Variants in CDH18 observed in about 807,000 individuals in gnomAD.
CDH18 encodes cadherin 18, also known as cadherin-18.
In CDH18, 31 loss-of-function variants were observed where a neutral mutation model predicts 67.9. The observed-to-expected ratio is 0.46, with a 90% CI of 0.34 to 0.62. The LOEUF (loss-of-function observed/expected upper bound fraction) is 0.62, where lower values mean the gene tolerates loss of function less well. Among genes scored for constraint, CDH18 ranks in the 20% least tolerant of loss-of-function variants. CDH18 has a pLI of 0.01. For missense variants in CDH18, 890 were observed against 975.5 expected (o/e 0.91, Z 1.17); for synonymous variants, 362 against 347.2 (o/e 1.04, Z -0.48).
chr5:19,756,679 A>G (rs1771649815), intron 3 of CDH18, among the ~76,000 whole-genome samples: 1 of 152,224 alleles, frequency 6.6e-6, no homozygotes, highest in South Asian at 2.1e-4. Context: ...TAAAGGTAGG[A>G]GAAGCCTAAA....
chr5:19,913,126 G>T (rs1159482863), intron 2 of CDH18, among the ~76,000 whole-genome samples: 1 of 152,070 alleles, frequency 6.6e-6, no homozygotes, highest in Non-Finnish European at 1.5e-5. Context: ...TTGACATCTT[G>T]AGTGTGTACA....
chr5:19,595,470 A>G (rs149934254), intron 6 of CDH18, among the ~76,000 whole-genome samples: 2,463 of 152,270 alleles, frequency 0.016, 68 homozygotes, highest in African/African-American at 0.056. Flanking sequence ...CCAAAAATAC[A>G]AAAATTAGCT....
At chr5:19,590,370 C>T (rs1287645021) in intron 7 of CDH18, among the ~76,000 whole-genome samples, 1 of 151,924 alleles carries the variant, frequency 6.6e-6, no homozygotes, top group East Asian at 1.9e-4. Flanking sequence ...ATTCAACAGA[C>T]AAGTTAATTT....
At chr5:19,603,861 T>A (rs181069521) in intron 6 of CDH18, among the ~76,000 whole-genome samples, 52 of 150,062 alleles carry the variant, frequency 3.5e-4, no homozygotes, top group Middle Eastern at 7.2e-3. Flanking sequence ...ATATAAATTA[T>A]GTTCTAACTC....
chr5:19,489,251 T>C (rs1740897862), intron 11 of CDH18, among the ~76,000 whole-genome samples: 1 of 115,708 alleles, frequency 8.6e-6, no homozygotes, highest in East Asian at 2.0e-4. Flanking sequence ...TTTTTTTTTC[T>C]TTTTTTTTTT....
chr5:19,851,769 A>G lies in CDH18; in HGVS notation c.-256-12527T>C, dbSNP rs368657800. Among the ~76,000 whole-genome samples, 292 of 147,524 alleles carry G rather than the reference A, an allele frequency of 2.0e-3. 3 individuals carry two copies. The South Asian group carries it at 0.029, about 15-fold the overall frequency. The stretch of plus-strand genomic sequence containing the variant: ...TGTGTGTATGTGTGTGTGTGTGTGT[A>G]TATATATATTCCCCTTGAAAAGCGT... On this transcript the variant is annotated intron_variant, in intron 2 of 12. Coordinates refer to ENST00000382275, the MANE Select transcript of CDH18 (RefSeq NM_004934.5).
At chr5:19,627,557 C>A (rs944437737) in intron 5 of CDH18, among the ~76,000 whole-genome samples, 1 of 152,140 alleles carries the variant, frequency 6.6e-6, no homozygotes, top group Non-Finnish European at 1.5e-5. Flanking sequence ...CTGTAAAAAT[C>A]AATTGACTAT....
chr5:20,303,865 A>C (rs551714332), intron 1 of CDH18, among the ~76,000 whole-genome samples: 1 of 152,340 alleles, frequency 6.6e-6, no homozygotes, highest in Non-Finnish European at 1.5e-5. Flanking sequence ...TTAAGAAGGG[A>C]GAGTGCGGTT....
At chr5:19,852,943 G>A (rs1489499712) in intron 2 of CDH18, among the ~76,000 whole-genome samples, 2 of 151,866 alleles carry the variant, frequency 1.3e-5, no homozygotes, top group Middle Eastern at 3.2e-3. Context: ...AATTGGATGT[G>A]TACATCAGCA....
chr5:19,983,948 C>T (rs115567666), intron 1 of CDH18, among the ~76,000 whole-genome samples: 2,153 of 152,170 alleles, frequency 0.014, 68 homozygotes, highest in African/African-American at 0.049. Context: ...GGGACACCCA[C>T]CAATTCAAAG....
chr5:20,422,245 A>T (rs2150160424), intron 1 of CDH18, among the ~76,000 whole-genome samples: 1 of 151,230 alleles, frequency 6.6e-6, no homozygotes, highest in Middle Eastern at 3.5e-3. Context: ...AGAGAAAGGA[A>T]CATGGGTTAT....
chr5:20,109,839 C>A (rs147769109), intron 2 of CDH18, among the ~76,000 whole-genome samples: 1 of 152,078 alleles, frequency 6.6e-6, no homozygotes, highest in Admixed American at 6.6e-5. Context: ...GAAGACATTT[C>A]TTTAGAATTA....
chr5:19,746,859 T>C, intron 4 of CDH18, 83 bp downstream of exon 4: 1 of 1,042,116 alleles, frequency 9.6e-7, no homozygotes, highest in Non-Finnish European at 1.4e-6. Flanking sequence ...TATATATATA[T>C]AAGTAAAAAT....
chr5:20,010,792 T>C (rs1737371412), intron 2 of CDH18, among the ~76,000 whole-genome samples: 1 of 152,170 alleles, frequency 6.6e-6, no homozygotes, highest in Admixed American at 6.6e-5. Context: ...TGTTTTTTAC[T>C]GAGTACTCAA....
At chr5:20,188,420 C>A (rs765406374) in intron 2 of CDH18, among the ~76,000 whole-genome samples, 2 of 151,852 alleles carry the variant, frequency 1.3e-5, no homozygotes, top group Non-Finnish European at 2.9e-5. Context: ...TTATCCATAC[C>A]CACATTGGTA....
At chr5:20,306,830 T>C (rs1580714692) in intron 1 of CDH18, among the ~76,000 whole-genome samples, 1 of 151,122 alleles carries the variant, frequency 6.6e-6, no homozygotes, top group Non-Finnish European at 1.5e-5. Flanking sequence ...TATGGAATAA[T>C]TTATTGATTT....
At position 19,555,648 on chromosome 5, in the gene CDH18, C is replaced by T. The variant is rs553886864; in HGVS notation, c.1254-11643G>A. ...CTGCCAAAGTCTGAGCTCAGAAAAGCCTAACAGTGCCCCCATCTGATGGTC... is the reference window on the plus strand; with the variant it reads ...CTGCCAAAGTCTGAGCTCAGAAAAGTCTAACAGTGCCCCCATCTGATGGTC... On this transcript the variant is annotated intron_variant, in intron 8 of 12. Coordinates refer to ENST00000382275, the MANE Select transcript of CDH18 (RefSeq NM_004934.5). 9.5e-4 allele frequency among the ~76,000 whole-genome samples: 145 copies of T among 152,288 alleles called. 1 individual carries two copies. Among genetic ancestry groups the T allele is most frequent in the African/African-American group, 3.4e-3 (143 of 41,576 alleles).
intron 1 of CDH18, among the ~76,000 whole-genome samples, chr5:20,324,296 T>A (rs1738329388): frequency 6.6e-6 from 1 of 151,872 alleles, no homozygotes; most frequent in African/African-American, 2.4e-5. Context: ...TCCCAGCACT[T>A]TGGGAGGCTG....
Position 19,472,981 on chromosome 5 carries a change from G to T in CDH18, c.*245C>A. 1 of 418,368 alleles carries T rather than the reference G, an allele frequency of 2.4e-6. No individual in the cohort carries two copies. The highest frequency in any genetic ancestry group is 4.3e-6 in the Non-Finnish European group (1 of 234,714). The allele number at this position is 418,368 out of a possible 1,614,324, so 25.9% of individuals were successfully genotyped here. On this transcript the variant is annotated 3_prime_UTR_variant, in exon 13 of 13. Coordinates refer to ENST00000382275, the MANE Select transcript of CDH18 (RefSeq NM_004934.5). ...AATAAACAGTACCACAGACTTTATT[G>T]AGCAATTGAAAATATACACAAGGAA...
Sources: gnomAD v4.1 joint callset for allele counts (sites outside exome capture counted in the v4.1 genomes callset) on GRCh38, gnomAD v4.1.1 for gene constraint, MANE v1.5 for transcripts, NCBI Gene and HGNC (gene_info 2026-07-23, HGNC 2026-07-21) for gene names.